DIP2A: variants seen among roughly 807,000 people sequenced by gnomAD.
DIP2A encodes disco-interacting protein 2 homolog A.
In DIP2A, 85 loss-of-function variants were observed where a neutral mutation model predicts 177.4. The ratio of observed to expected loss-of-function variants is 0.48; its 90% confidence interval spans 0.40 to 0.57. DIP2A has a LOEUF of 0.57. Ranked by LOEUF, DIP2A falls within the 20% of genes least tolerant of loss-of-function variation. DIP2A has a pLI of 0.00. For missense variants in DIP2A, 1,791 were observed against 2,100.2 expected (o/e 0.85, Z 2.88); for synonymous variants, 886 against 881.8 (o/e 1.00, Z -0.08).
At position 46,497,187 on chromosome 21, in the gene DIP2A, G is replaced by C; in HGVS notation, c.403+80G>C. 3 of 1,511,138 alleles carry C rather than the reference G, an allele frequency of 2.0e-6. No individual in the cohort carries two copies. The South Asian group carries it at 3.8e-5, about 19-fold the overall frequency. The allele number at this position is 1,511,138 out of a possible 1,614,324, so 93.6% of individuals were successfully genotyped here. A position where few individuals can be genotyped will look rare whatever the true frequency, so the allele number is the denominator to read the frequency against. On this transcript the variant is annotated intron_variant, in intron 4 of 37. Coordinates refer to ENST00000417564, the MANE Select transcript of DIP2A (RefSeq NM_015151.4). ...TGTTATCCTATTTACTTCCCATTGAGTTGGAATATCCGTCTGGCCTGTAGT... is the reference window on the plus strand; with the variant it reads ...TGTTATCCTATTTACTTCCCATTGACTTGGAATATCCGTCTGGCCTGTAGT...
chr21:46,525,797 G>A (rs1466949762), intron 8 of DIP2A: 1 of 151,642 alleles, frequency 6.6e-6, no homozygotes, highest in East Asian at 1.9e-4. Flanking sequence ...GAGCTTATCA[G>A]GTGTCACAGT....
rs1432882333 is a variant in DIP2A at position 46,566,612 on chromosome 21, C to T, written c.4392C>T (p.Leu1464=). Residue 1464 remains leucine (L), a synonymous_variant, in exon 37 of 38, where the codon CTC becomes CTT. Coordinates refer to ENST00000417564, the MANE Select transcript of DIP2A (RefSeq NM_015151.4). ...GGTCTCTGGATGAAACTCTGGAGCT[C>T]AGAGGCATGCGGTACCACCCCATCG... ...VVGSLDETLE[L]RGMRYHPIDI... 1.9e-6 allele frequency: 3 copies of T among 1,614,186 alleles called. No individual in the cohort carries two copies. Among genetic ancestry groups the T allele is most frequent in the Admixed American group, 3.3e-5 (2 of 60,026 alleles).
At chr21:46,509,786 T>C (rs2058214904) in intron 7 of DIP2A, among the ~76,000 whole-genome samples, 1 of 152,138 alleles carries the variant, frequency 6.6e-6, no homozygotes, top group Non-Finnish European at 1.5e-5. Flanking sequence ...TACACACATA[T>C]TTTTTAAAAG....
At chr21:46,530,111 C>T (rs1196934088) in intron 9 of DIP2A, among the ~76,000 whole-genome samples, 2 of 152,152 alleles carry the variant, frequency 1.3e-5, no homozygotes, top group African/African-American at 4.8e-5. Flanking sequence ...TTCTGTTGGA[C>T]AGTACTACTG....
chr21:46,490,866 T>C, intron 3 of DIP2A, 147 bp downstream of exon 3: 1 of 1,102,770 alleles, frequency 9.1e-7, no homozygotes, highest in Non-Finnish European at 1.2e-6. Flanking sequence ...ATCATCATAT[T>C]TTTTTCAAGA....
At chr21:46,476,383 G>A (rs556486603) in intron 1 of DIP2A, among the ~76,000 whole-genome samples, 1 of 152,140 alleles carries the variant, frequency 6.6e-6, no homozygotes, top group Admixed American at 6.5e-5. Flanking sequence ...GAAACAAATA[G>A]AGGATGAGCA....
chr21:46,459,064 A>G lies in DIP2A; in HGVS notation c.-68A>G, dbSNP rs965763215. 3 of 1,299,426 alleles carry G rather than the reference A, an allele frequency of 2.3e-6. No individual in the cohort carries two copies. Among genetic ancestry groups the G allele is most frequent in the African/African-American group, 3.1e-5 (2 of 63,512 alleles). 80.5% of individuals were successfully genotyped at this position (1,299,426 alleles called of 1,614,324 possible). A position where few individuals can be genotyped will look rare whatever the true frequency, so the allele number is the denominator to read the frequency against. ...TGGCCTGAGGGGAGCTACGTAGCCG[A>G]GGTTTGCGCTGCCGCCGCCAGGCCC... On this transcript the variant is annotated 5_prime_UTR_variant, in exon 1 of 38. Transcript: ENST00000417564.
At chr21:46,541,443 A>G (rs1331735636) in intron 17 of DIP2A, among the ~76,000 whole-genome samples, 1 of 152,160 alleles carries the variant, frequency 6.6e-6, no homozygotes, top group African/African-American at 2.4e-5. Flanking sequence ...CGGGCTTCAC[A>G]GGGCTCCAGG....
chr21:46,497,529 T>C (rs74707148), intron 4 of DIP2A, among the ~76,000 whole-genome samples: 1 of 152,200 alleles, frequency 6.6e-6, no homozygotes, highest in Admixed American at 6.5e-5. Flanking sequence ...ATAAGACTAT[T>C]TGGAAAGTTT....
At chr21:46,473,725 A>C (rs1006567806) in intron 1 of DIP2A, among the ~76,000 whole-genome samples, 1 of 152,090 alleles carries the variant, frequency 6.6e-6, no homozygotes, top group Non-Finnish European at 1.5e-5. Context: ...CATGTTGGCC[A>C]GGCTGGTCTC....
intron 8 of DIP2A, among the ~76,000 whole-genome samples, chr21:46,514,107 A>G (rs575470555): frequency 1.8e-4 from 28 of 152,230 alleles, no homozygotes; most frequent in African/African-American, 6.5e-4. Context: ...TTGCTTATAT[A>G]TAGAATTGCA....
At chr21:46,486,842 AACT>A (rs1388222648) in intron 2 of DIP2A, among the ~76,000 whole-genome samples, 1 of 152,212 alleles carries the variant, frequency 6.6e-6, no homozygotes, top group Non-Finnish European at 1.5e-5. Context: ...TATATCTGTA[AACT>A]GCCAAGAACT....
intron 34 of DIP2A, among the ~76,000 whole-genome samples, chr21:46,562,637 T>C (rs1459910280): frequency 6.6e-6 from 1 of 151,826 alleles, no homozygotes; most frequent in African/African-American, 2.4e-5. Flanking sequence ...AGGTGGGAGC[T>C]ACAGGGAGGC....
At chr21:46,510,263 G>A (rs753816461) in intron 7 of DIP2A, among the ~76,000 whole-genome samples, 22 of 152,138 alleles carry the variant, frequency 1.4e-4, no homozygotes, top group Non-Finnish European at 3.2e-4. Flanking sequence ...GTCTTTCCAC[G>A]TTCTTCTGCC....
intron 8 of DIP2A, among the ~76,000 whole-genome samples, chr21:46,528,437 T>C (rs2148731295): frequency 6.7e-6 from 1 of 149,772 alleles, no homozygotes; most frequent in South Asian, 2.1e-4. Context: ...TTTACAGGCA[T>C]GTATACGTGT....
At chr21:46,459,899 A>T (rs1373044675) in intron 1 of DIP2A, among the ~76,000 whole-genome samples, 1 of 151,820 alleles carries the variant, frequency 6.6e-6, no homozygotes, top group Non-Finnish European at 1.5e-5. Context: ...AGGAATGACC[A>T]CTTTTGCCCC....
At chr21:46,544,220 G>T (rs897555789) in intron 18 of DIP2A, among the ~76,000 whole-genome samples, 1 of 152,044 alleles carries the variant, frequency 6.6e-6, no homozygotes, top group Admixed American at 6.6e-5. Flanking sequence ...GTGCACTTAA[G>T]TAAAAACAGA....
In DIP2A at chr21:46,567,426, A is replaced by T; in HGVS notation, c.4520A>T (p.Glu1507Val). 1 of 1,613,916 alleles carries T rather than the reference A, an allele frequency of 6.2e-7. No individual in the cohort carries two copies. Among genetic ancestry groups the T allele is most frequent in the East Asian group, 2.2e-5 (1 of 44,884 alleles). Residue 1507 changes from glutamate to valine, a missense_variant, in exon 38 of 38, where the codon GAG becomes GTG. Transcript: ENST00000417564. The stretch of plus-strand genomic sequence containing the variant: ...GTGGTGGTGGAGCTGGATGGGCTAG[A>T]GCAGGATGCCCTGGACCTGGTGGCC... ...LVVVVELDGLEQDALDLVALV... is the reference protein window; with the variant it reads ...LVVVVELDGLVQDALDLVALV...
rs1480298817 is a variant in DIP2A at position 46,537,738 on chromosome 21, C to T, written c.1801+199C>T. On this transcript the variant is annotated intron_variant, in intron 15 of 37. Coordinates refer to ENST00000417564, the MANE Select transcript of DIP2A (RefSeq NM_015151.4). This position sits in a 1 kb window ranked among gnomAD's most constrained non-coding sequence, Gnocchi z 4.1. ...GCCTCTGGCATGGCCCTCAGGGTTTCGTGGGTGATGTGGTAAGTAGGGCCA... is the reference window on the plus strand; with the variant it reads ...GCCTCTGGCATGGCCCTCAGGGTTTTGTGGGTGATGTGGTAAGTAGGGCCA... 2.0e-5 allele frequency among the ~76,000 whole-genome samples: 3 copies of T among 152,178 alleles called. No individual in the cohort carries two copies. Among genetic ancestry groups the T allele is most frequent in the Admixed American group, 6.5e-5 (1 of 15,284 alleles).
Sources: gnomAD v4.1 joint callset for allele counts (sites outside exome capture counted in the v4.1 genomes callset) on GRCh38, gnomAD v4.1.1 for gene constraint, Gnocchi (gnomAD v3.1) non-coding constraint, MANE v1.5 for transcripts, NCBI Gene and HGNC (gene_info 2026-07-23, HGNC 2026-07-21) for gene names.